HMGCLL1: variants seen among roughly 807,000 people sequenced by gnomAD.
The protein encoded by HMGCLL1 is 3-hydroxymethyl-3-methylglutaryl-CoA lyase, cytoplasmic.
Under a neutral mutation model 39.1 loss-of-function variants are expected in HMGCLL1, and 36 were observed. That is an observed-to-expected ratio of 0.92 (90% confidence interval 0.71 to 1.22). The LOEUF (loss-of-function observed/expected upper bound fraction) is 1.22. Ranked by LOEUF, HMGCLL1 falls within the 50% of genes most tolerant of loss-of-function variation. The pLI is 0.00. For missense variants in HMGCLL1, 451 were observed against 416.5 expected, an observed-to-expected ratio of 1.08 and a Z score of -0.72; for synonymous variants, 149 against 144.0, an observed-to-expected ratio of 1.03 and a Z score of -0.25.
At chr6:55,531,299 C>T (rs1463880190) in intron 3 of HMGCLL1, among the ~76,000 whole-genome samples, 1 of 152,112 alleles carries the variant, frequency 6.6e-6, no homozygotes, top group Admixed American at 6.5e-5. Flanking sequence ...ACAGACTAAT[C>T]ACAGTAATGC....
chr6:55,516,625 T>C (rs763624875), intron 3 of HMGCLL1, 22 bp from the exon 4 acceptor site: 21 of 1,450,890 alleles, frequency 1.4e-5, no homozygotes, highest in Non-Finnish European at 2.0e-5. Context: ...AATAGTTATA[T>C]GTAAATGTGT....
chr6:55,445,011 A>G (rs1360055210), intron 7 of HMGCLL1, among the ~76,000 whole-genome samples: 2 of 151,994 alleles, frequency 1.3e-5, no homozygotes, highest in Admixed American at 1.3e-4. Flanking sequence ...TCACAAATTA[A>G]TTGACTCAGT....
intron 7 of HMGCLL1, among the ~76,000 whole-genome samples, chr6:55,445,895 A>T (rs1219411449): frequency 2.6e-5 from 4 of 152,110 alleles, no homozygotes; most frequent in Non-Finnish European, 5.9e-5. Flanking sequence ...GCAGTCCCTC[A>T]AAACTGTAAA....
chr6:55,533,880 C>T (rs552409133), intron 3 of HMGCLL1, among the ~76,000 whole-genome samples: 1,299 of 24,806 alleles, frequency 0.052, 13 homozygotes, highest in Middle Eastern at 0.1. Context: ...AGCGAGACTC[C>T]GTCTCAAAAA....
chr6:55,481,604 C>T (rs774911791), intron 7 of HMGCLL1, among the ~76,000 whole-genome samples: 36 of 152,086 alleles, frequency 2.4e-4, no homozygotes, highest in Non-Finnish European at 2.8e-4. Flanking sequence ...TTAGAGTAGG[C>T]TCAGTCTGTG....
chr6:55,499,531 G>A (rs1447958850), intron 5 of HMGCLL1, among the ~76,000 whole-genome samples: 1 of 151,912 alleles, frequency 6.6e-6, no homozygotes, highest in East Asian at 1.9e-4. Context: ...ATGACAGATG[G>A]GGATAAATAG....
chr6:55,466,712 C>G (rs906792786), intron 7 of HMGCLL1, among the ~76,000 whole-genome samples: 21 of 152,028 alleles, frequency 1.4e-4, no homozygotes, highest in Non-Finnish European at 2.5e-4. Flanking sequence ...ACACACAAGG[C>G]CTTCAATATT....
intron 7 of HMGCLL1, among the ~76,000 whole-genome samples, chr6:55,440,149 T>C (rs1763533892): frequency 3.9e-5 from 6 of 152,086 alleles, no homozygotes; most frequent in Admixed American, 3.3e-4. Context: ...GACAAAACAC[T>C]TGCCACCAGC....
intron 5 of HMGCLL1, chr6:55,513,454 A>G (rs1767568762): frequency 6.6e-6 from 1 of 152,184 alleles, no homozygotes; most frequent in Non-Finnish European, 1.5e-5. Context: ...GTTTATATTT[A>G]TCTTCTATAA....
the HMGCLL1 span, among the ~76,000 whole-genome samples, chr6:55,670,130 G>A: frequency 2.0e-5 from 3 of 151,748 alleles, no homozygotes; most frequent in Non-Finnish European, 2.9e-5. Context: ...CCCTATAGGA[G>A]CAGAAATATG....
chr6:55,497,124 AGGCAGCAT>A (rs1766622036), intron 6 of HMGCLL1, among the ~76,000 whole-genome samples: 1 of 152,172 alleles, frequency 6.6e-6, no homozygotes, highest in South Asian at 2.1e-4. Context: ...GAATGCATAA[AGGCAGCAT>A]GGTATTTTGA....
the HMGCLL1 span, among the ~76,000 whole-genome samples, chr6:55,602,562 T>C: frequency 6.6e-6 from 1 of 152,064 alleles, no homozygotes; most frequent in East Asian, 1.9e-4. Flanking sequence ...AATCATCAAG[T>C]ATTATTTTAC....
chr6:55,488,994 A>G (rs1464460837), intron 7 of HMGCLL1, among the ~76,000 whole-genome samples: 2 of 151,954 alleles, frequency 1.3e-5, no homozygotes, highest in Non-Finnish European at 2.9e-5. Context: ...ATAACCATTA[A>G]CTGGTTATAT....
intron 7 of HMGCLL1, among the ~76,000 whole-genome samples, chr6:55,456,566 C>A (rs760190556): frequency 6.6e-6 from 1 of 152,184 alleles, no homozygotes; most frequent in African/African-American, 2.4e-5. Flanking sequence ...TTCCCCAGTT[C>A]TCATATCAGC....
the HMGCLL1 span, among the ~76,000 whole-genome samples, chr6:55,610,890 TA>T: frequency 6.6e-6 from 1 of 151,776 alleles, no homozygotes; most frequent in South Asian, 2.1e-4. Flanking sequence ...TCAACACTCT[TA>T]AAAAAAAGAA....
chr6:55,540,023 AGG>A (rs1561947176), intron 3 of HMGCLL1, among the ~76,000 whole-genome samples: 2 of 20,714 alleles, frequency 9.7e-5, no homozygotes, highest in South Asian at 3.3e-3. Flanking sequence ...GGAGGGAGGG[AGG>A]GAGGGAGGGA....
chr6:55,564,476 G>A (rs1033309298), intron 1 of HMGCLL1, among the ~76,000 whole-genome samples: 1 of 151,886 alleles, frequency 6.6e-6, no homozygotes, highest in Non-Finnish European at 1.5e-5. Context: ...GTGCCATGTT[G>A]GTGTTCTTAT....
At chr6:55,634,937 A>G in the HMGCLL1 span, among the ~76,000 whole-genome samples, 31 of 152,182 alleles carry the variant, frequency 2.0e-4, no homozygotes, top group African/African-American at 7.0e-4. Context: ...GAGACAGCTT[A>G]TTATTGGTTA....
At chr6:55,673,712 A>G in the HMGCLL1 span, among the ~76,000 whole-genome samples, 1 of 151,954 alleles carries the variant, frequency 6.6e-6, no homozygotes, top group Non-Finnish European at 1.5e-5. Context: ...GGATGATGAT[A>G]ATAATAAAAA....
Sources: gnomAD v4.1 joint callset for allele counts (sites outside exome capture counted in the v4.1 genomes callset) on GRCh38, gnomAD v4.1.1 for gene constraint, MANE v1.5 for transcripts, NCBI Gene and HGNC (gene_info 2026-07-23, HGNC 2026-07-21) for gene names.